The following DOCK3 variants were observed in gnomAD, a reference collection of about 807,000 sequenced individuals.
DOCK3 encodes dedicator of cytokinesis 3.
Under a neutral mutation model 265.6 loss-of-function variants are expected in DOCK3, and 60 were observed. The ratio of observed to expected loss-of-function variants is 0.23; its 90% CI spans 0.18 to 0.28. The LOEUF (loss-of-function observed/expected upper bound fraction) is 0.28. DOCK3 is among the 10% of genes least tolerant of loss of function. The pLI, the probability that DOCK3 is intolerant of heterozygous loss-of-function variation, is 1.00. For synonymous variants in DOCK3, 881 were observed against 938.0 expected (o/e 0.94, Z 1.11); for missense variants, 1,981 against 2,594.3 (o/e 0.76, Z 5.14).
intron 3 of DOCK3, among the ~76,000 whole-genome samples, chr3:50,885,708 G>A (rs1377027053): frequency 6.6e-6 from 1 of 152,082 alleles, no homozygotes; most frequent in East Asian, 1.9e-4. Flanking sequence ...CTGTGTGGTG[G>A]GAGCTTGTTA....
intron 1 of DOCK3, among the ~76,000 whole-genome samples, chr3:50,777,745 G>T (rs1385292410): frequency 1.3e-5 from 2 of 152,112 alleles, no homozygotes; most frequent in African/African-American, 4.8e-5. Context: ...CAGTGCTACT[G>T]ATTTGTGTAC....
intron 6 of DOCK3, among the ~76,000 whole-genome samples, chr3:51,069,481 A>G (rs1282575745): frequency 2.3e-5 from 1 of 42,828 alleles, no homozygotes; most frequent in Non-Finnish European, 6.2e-5. Context: ...AAAAATACCT[A>G]AGAAATATTT....
At chr3:50,983,457 C>A (rs998509159) in intron 5 of DOCK3, among the ~76,000 whole-genome samples, 5 of 152,176 alleles carry the variant, frequency 3.3e-5, no homozygotes, top group African/African-American at 1.2e-4. Flanking sequence ...CATAAAAGCC[C>A]AGGCTCAGCC....
At chr3:50,948,727 A>C (rs964583086) in intron 5 of DOCK3, among the ~76,000 whole-genome samples, 1 of 150,066 alleles carries the variant, frequency 6.7e-6, no homozygotes. Flanking sequence ...TTATGTCCTG[A>C]CTTGGACTCC....
chr3:51,245,291 C>T (rs1405264394), intron 21 of DOCK3, among the ~76,000 whole-genome samples: 1 of 151,762 alleles, frequency 6.6e-6, no homozygotes, highest in Non-Finnish European at 1.5e-5. Context: ...GAGCCGAGGT[C>T]GCGTCACTGC....
chr3:51,261,318 G>A (rs1171512583), intron 23 of DOCK3, among the ~76,000 whole-genome samples: 2 of 152,222 alleles, frequency 1.3e-5, no homozygotes, highest in Admixed American at 6.5e-5. Flanking sequence ...AGGGGTTGGG[G>A]AACTCCCTCC....
At chr3:51,291,576 T>C (rs1192961191) in intron 27 of DOCK3, among the ~76,000 whole-genome samples, 1 of 152,174 alleles carries the variant, frequency 6.6e-6, no homozygotes, top group Non-Finnish European at 1.5e-5. Context: ...AACAGACTAA[T>C]AACTAGTAAA....
chr3:51,319,239 T>C (rs2083540199), intron 32 of DOCK3, among the ~76,000 whole-genome samples: 1 of 152,180 alleles, frequency 6.6e-6, no homozygotes, highest in African/African-American at 2.4e-5. Context: ...CTTTTTATCA[T>C]GGGTAAATAG....
In DOCK3 at chr3:51,350,456, ATTCTT is replaced by A; in HGVS notation, c.4107+70_4107+74del. On this transcript the variant is annotated intron_variant, in intron 40 of 52. Coordinates refer to ENST00000266037, the MANE Select transcript of DOCK3 (RefSeq NM_004947.5). ...TACGCATAATTCACTTAAAACCGATATTCTTTTCTTCCCCTTTTTGCCTTTTCTAC... is the reference window on the plus strand; with the variant it reads ...TACGCATAATTCACTTAAAACCGATATTCTTCCCCTTTTTGCCTTTTCTAC... The A allele has an allele frequency of 9.7e-6, 15 of 1,541,460 alleles. No homozygotes were observed. The South Asian group carries it at 1.8e-4, about 18-fold the overall frequency.
At chr3:50,679,968 C>A (rs1576060315) in intron 1 of DOCK3, among the ~76,000 whole-genome samples, 2 of 152,230 alleles carry the variant, frequency 1.3e-5, no homozygotes, top group African/African-American at 4.8e-5. Flanking sequence ...GAAGCTTTAG[C>A]TGAGAGAAAT....
At chr3:50,912,609 T>C (rs889529820) in intron 4 of DOCK3, among the ~76,000 whole-genome samples, 2 of 152,096 alleles carry the variant, frequency 1.3e-5, no homozygotes, top group Admixed American at 6.5e-5. Flanking sequence ...AGAAGTCTAC[T>C]TGGTGTTCTA....
chr3:51,052,373 A>G lies in DOCK3; in HGVS notation c.316-12075A>G, dbSNP rs150734467. The stretch of plus-strand genomic sequence containing the variant: ...ACAAAAAATTAGCTGGGCATGGTGC[A>G]CCTATAGTCCCAGCTACTTAGGATG... On this transcript the variant is annotated intron_variant, in intron 5 of 52. Coordinates refer to ENST00000266037, the MANE Select transcript of DOCK3 (RefSeq NM_004947.5). 7.9e-5 allele frequency among the ~76,000 whole-genome samples: 12 copies of G among 152,164 alleles called. No homozygotes were observed. In the East Asian group the frequency reaches 2.3e-3, roughly 29 times the overall value.
intron 35 of DOCK3, among the ~76,000 whole-genome samples, chr3:51,335,654 T>C (rs2084809467): frequency 1.3e-5 from 2 of 152,188 alleles, no homozygotes; most frequent in South Asian, 4.1e-4. Flanking sequence ...ACCAAGCAAC[T>C]CTTTTCCTCT....
intron 3 of DOCK3, among the ~76,000 whole-genome samples, chr3:50,874,042 G>GTTTTTTTT (rs869155239): frequency 8.7e-6 from 1 of 115,174 alleles, no homozygotes; most frequent in Admixed American, 8.5e-5. Context: ...TCATGAAGGT[G>GTTTTTTTT]TTTTTTTTTT....
chr3:51,344,799 C>G (rs1018878311), intron 38 of DOCK3, among the ~76,000 whole-genome samples: 2 of 152,170 alleles, frequency 1.3e-5, no homozygotes, highest in African/African-American at 4.8e-5. Context: ...AGGCAGCTCT[C>G]AAAGCCCCCA....
intron 7 of DOCK3, among the ~76,000 whole-genome samples, chr3:51,086,917 T>C (rs2082449000): frequency 6.6e-6 from 1 of 152,200 alleles, no homozygotes; most frequent in African/African-American, 2.4e-5. Flanking sequence ...CTACCAAGAT[T>C]GAATCATGAA....
chr3:50,787,484 G>A lies in DOCK3; in HGVS notation c.121+8726G>A, dbSNP rs536638700. Reference sequence around the variant, plus strand: ...CGGGAGATGGAGGTTGTGGTGAGCCGAGATCGCGCCATTGCACTCCAGCCT... The same window carrying A: ...CGGGAGATGGAGGTTGTGGTGAGCCAAGATCGCGCCATTGCACTCCAGCCT... On this transcript the variant is annotated intron_variant, in intron 2 of 52. Transcript: ENST00000266037. 364 of 471,628 alleles carry A rather than the reference G, an allele frequency of 7.7e-4. 4 individuals are homozygous for A. Among genetic ancestry groups the A allele is most frequent in the African/African-American group, 6.2e-3 (312 of 49,976 alleles). 29.2% of individuals were successfully genotyped at this position (471,628 alleles called of 1,614,324 possible). A position where few individuals can be genotyped will look rare whatever the true frequency, so the allele number is the denominator to read the frequency against.
intron 1 of DOCK3, among the ~76,000 whole-genome samples, chr3:50,678,928 G>A (rs994891233): frequency 1.3e-5 from 2 of 152,020 alleles, no homozygotes; most frequent in Admixed American, 1.3e-4. Flanking sequence ...TCCTGCCTCA[G>A]CCTCCCGAGT....
intron 22 of DOCK3, among the ~76,000 whole-genome samples, chr3:51,249,801 A>G (rs1250837151): frequency 6.8e-6 from 1 of 147,122 alleles, no homozygotes; most frequent in Non-Finnish European, 1.5e-5. Flanking sequence ...AGAACGGGCC[A>G]GGATGACAAT....
Sources: gnomAD v4.1 joint callset for allele counts (sites outside exome capture counted in the v4.1 genomes callset) on GRCh38, gnomAD v4.1.1 for gene constraint, MANE v1.5 for transcripts, NCBI Gene and HGNC (gene_info 2026-07-23, HGNC 2026-07-21) for gene names.